Variants in TFEC observed in about 807,000 individuals in gnomAD.
TFEC encodes the protein transcription factor EC.
Under a neutral mutation model 41.6 loss-of-function variants are expected in TFEC, and 31 were observed. The observed-to-expected ratio is 0.74, with a 90% CI of 0.56 to 1.01. TFEC has a LOEUF of 1.01. TFEC is among the 50% of genes least tolerant of loss of function. The pLI is 0.00. For missense variants in TFEC, 402 were observed against 404.1 expected (o/e 0.99, Z 0.04); for synonymous variants, 143 against 140.6 (o/e 1.02, Z -0.12).
upstream of TFEC, among the ~76,000 whole-genome samples, chr7:116,035,283 A>C (rs17242703): frequency 0.18 from 27,504 of 151,804 alleles, 2,539 homozygotes; most frequent in East Asian, 0.33. Context: ...ACCATAATAC[A>C]TTCTCACTTT....
chr7:116,010,207 T>C (rs995499827), intron 1 of TFEC, among the ~76,000 whole-genome samples: 2 of 152,130 alleles, frequency 1.3e-5, no homozygotes, highest in Admixed American at 6.6e-5. Context: ...CCTTTAGCTA[T>C]ATAAAGGTGT....
At chr7:115,964,288 A>G (rs1792729718) in intron 3 of TFEC, among the ~76,000 whole-genome samples, 1 of 151,640 alleles carries the variant, frequency 6.6e-6, no homozygotes, top group African/African-American at 2.4e-5. Context: ...AATCTGAACT[A>G]GATACTTTTA....
chr7:116,008,627 A>C (rs571910000), intron 1 of TFEC, among the ~76,000 whole-genome samples: 22 of 152,178 alleles, frequency 1.4e-4, no homozygotes, highest in Non-Finnish European at 2.6e-4. Context: ...AAGCCACATG[A>C]CATTTGTTAA....
chr7:115,955,510 G>A (rs1265396727), intron 4 of TFEC, among the ~76,000 whole-genome samples: 1 of 151,980 alleles, frequency 6.6e-6, no homozygotes, highest in Non-Finnish European at 1.5e-5. Context: ...AAACACCTCG[G>A]GAGTGCATCC....
chr7:115,993,136 G>C (rs1794201238), intron 1 of TFEC, among the ~76,000 whole-genome samples: 1 of 152,082 alleles, frequency 6.6e-6, no homozygotes, highest in Non-Finnish European at 1.5e-5. Context: ...TGCAGAAAAG[G>C]CCTTTCACAA....
intron 2 of TFEC, among the ~76,000 whole-genome samples, chr7:115,983,967 C>T (rs1460604494): frequency 6.6e-6 from 1 of 152,002 alleles, no homozygotes; most frequent in East Asian, 1.9e-4. Context: ...CTAAATTTAT[C>T]AGAAAACATT....
Position 116,048,134 on chromosome 7 carries a change from C to T in TFEC, c.198+62574G>A, listed in dbSNP as rs140243441. Among the ~76,000 whole-genome samples the T allele has an allele frequency of 1.6e-4, 24 of 151,828 alleles. No individual in the cohort carries two copies. The East Asian group carries it at 1.9e-3, about 12-fold the overall frequency. ...GCAATGGAACAAAGCTGGATGGAGA[C>T]GAACTGAGAGAAGAAGGCTTCAGAC... On this transcript the variant is annotated intron_variant, in intron 3 of 8. Coordinates refer to the TFEC transcript ENST00000484212.
upstream of TFEC, among the ~76,000 whole-genome samples, chr7:116,035,204 G>A (rs1584431297): frequency 6.6e-6 from 1 of 151,562 alleles, no homozygotes; most frequent in African/African-American, 2.4e-5. Flanking sequence ...CCTAAATTTT[G>A]ACTCCAAATT....
At chr7:116,147,371 G>C (rs1475686684) in intron 1 of TFEC, among the ~76,000 whole-genome samples, 2 of 152,110 alleles carry the variant, frequency 1.3e-5, no homozygotes, top group Non-Finnish European at 2.9e-5. Context: ...TAGCTAAAAA[G>C]AACAATGAAT....
intron 3 of TFEC, among the ~76,000 whole-genome samples, chr7:115,968,486 A>T (rs915608408): frequency 1.3e-5 from 2 of 151,880 alleles, no homozygotes; most frequent in Admixed American, 1.3e-4. Flanking sequence ...CAGTTTACTT[A>T]GACTACCAAA....
chr7:116,043,264 C>CT (rs1199345070), intron 3 of TFEC, among the ~76,000 whole-genome samples: 3 of 151,790 alleles, frequency 2.0e-5, no homozygotes, highest in South Asian at 2.1e-4. Flanking sequence ...CTCTTAAGGA[C>CT]TTTTTTTTCT....
Position 116,016,265 on chromosome 7 carries a change from C to T in TFEC, c.-73+14368G>A, listed in dbSNP as rs114803746. Among the ~76,000 whole-genome samples the T allele has an allele frequency of 8.4e-3, 1,278 of 152,164 alleles. 15 individuals carry two copies. Among genetic ancestry groups the T allele is most frequent in the African/African-American group, 0.029 (1,213 of 41,534 alleles). On this transcript the variant is annotated intron_variant, in intron 1 of 7. Transcript: ENST00000265440. ...CAGGAGAATTAGTTCAGGGACTTGG[C>T]AAGAACAGAAATCAGCCTGCAGGGA...
intron 1 of TFEC, among the ~76,000 whole-genome samples, chr7:116,115,598 A>T (rs147153347): frequency 6.6e-6 from 1 of 151,920 alleles, no homozygotes; most frequent in African/African-American, 2.4e-5. Context: ...CTTTGGGTTC[A>T]CCAAAGATAA....
chr7:116,070,556 C>A (rs545589683), intron 3 of TFEC, among the ~76,000 whole-genome samples: 2 of 151,206 alleles, frequency 1.3e-5, no homozygotes, highest in Non-Finnish European at 3.0e-5. Flanking sequence ...TGAGATAAAC[C>A]GGAAGAATAC....
At chr7:115,989,710 G>T (rs1794020629) in intron 1 of TFEC, among the ~76,000 whole-genome samples, 1 of 152,158 alleles carries the variant, frequency 6.6e-6, no homozygotes, top group South Asian at 2.1e-4. Flanking sequence ...TGACTAGGTA[G>T]TAAACAAAGC....
intron 3 of TFEC, among the ~76,000 whole-genome samples, chr7:116,035,873 T>A (rs1795897394): frequency 6.6e-6 from 1 of 151,966 alleles, no homozygotes; most frequent in Non-Finnish European, 1.5e-5. Flanking sequence ...TACCAAGAAT[T>A]TAATTTCAAA....
At position 115,938,713 on chromosome 7, in the gene TFEC, T is replaced by A. The variant is rs1442643993; in HGVS notation, c.*1838A>T. The A allele has an allele frequency of 6.6e-6, 1 of 151,956 alleles. No homozygotes were observed. Among genetic ancestry groups the A allele is most frequent in the Non-Finnish European group, 1.5e-5 (1 of 67,926 alleles). 9.4% of individuals were successfully genotyped at this position (151,956 alleles called of 1,614,324 possible). A position where few individuals can be genotyped will look rare whatever the true frequency, so the allele number is the denominator to read the frequency against. On this transcript the variant is annotated 3_prime_UTR_variant, in exon 8 of 8. Coordinates refer to ENST00000265440, the MANE Select transcript of TFEC (RefSeq NM_012252.4). ...AACTAAAAGATCCTTTCAAAATTTATCCCAAAGCTTAATATTCATGAAAGA... is the reference window on the plus strand; with the variant it reads ...AACTAAAAGATCCTTTCAAAATTTAACCCAAAGCTTAATATTCATGAAAGA...
At chr7:116,026,969 G>C (rs528864645) in intron 1 of TFEC, among the ~76,000 whole-genome samples, 2 of 152,170 alleles carry the variant, frequency 1.3e-5, no homozygotes, top group African/African-American at 2.4e-5. Context: ...TGTTAATTAA[G>C]AAGAAGCCTA....
chr7:116,148,847 G>A (rs1798696893), intron 1 of TFEC, among the ~76,000 whole-genome samples: 3 of 151,616 alleles, frequency 2.0e-5, no homozygotes, highest in Non-Finnish European at 1.5e-5. Flanking sequence ...ACATAGGGTC[G>A]CTAATTAAAC....
Sources: gnomAD v4.1 joint callset for allele counts (sites outside exome capture counted in the v4.1 genomes callset) on GRCh38, gnomAD v4.1.1 for gene constraint, MANE v1.5 for transcripts, NCBI Gene and HGNC (gene_info 2026-07-23, HGNC 2026-07-21) for gene names.